The following CLYBL variants were observed in gnomAD, a reference collection of about 807,000 sequenced individuals.
CLYBL encodes citramalyl-CoA lyase, also known as citramalyl-CoA lyase, mitochondrial.
A neutral mutation model predicts 38.9 loss-of-function variants in CLYBL; 31 were observed. The ratio of observed to expected loss-of-function variants is 0.80; its 90% CI spans 0.60 to 1.08. The LOEUF (loss-of-function observed/expected upper bound fraction) is 1.08, where lower values mean the gene tolerates loss of function less well. Ranked by LOEUF, CLYBL falls within the 50% of genes least tolerant of loss-of-function variation. The pLI is 0.00. For missense variants in CLYBL, 434 were observed against 411.6 expected (o/e 1.05, Z -0.47); for synonymous variants, 171 against 158.6 (o/e 1.08, Z -0.59).
intron 7 of CLYBL, among the ~76,000 whole-genome samples, chr13:99,875,303 T>A (rs1469590522): frequency 6.6e-6 from 1 of 152,184 alleles, no homozygotes; most frequent in Non-Finnish European, 1.5e-5. Context: ...CATCTTCTGC[T>A]GGAATATAAA....
intron 6 of CLYBL, among the ~76,000 whole-genome samples, chr13:99,870,583 C>A (rs2051862831): frequency 6.6e-6 from 1 of 152,142 alleles, no homozygotes; most frequent in African/African-American, 2.4e-5. Flanking sequence ...TCAAAATAAT[C>A]CCTCTAATTT....
chr13:99,879,329 C>CG (rs1472274866), intron 7 of CLYBL, among the ~76,000 whole-genome samples: 2 of 152,130 alleles, frequency 1.3e-5, no homozygotes, highest in African/African-American at 4.8e-5. Flanking sequence ...ATTTTACATC[C>CG]ACTCAATTTC....
At chr13:99,629,317 T>G (rs1427471145) in intron 1 of CLYBL, among the ~76,000 whole-genome samples, 1 of 152,216 alleles carries the variant, frequency 6.6e-6, no homozygotes, top group African/African-American at 2.4e-5. Flanking sequence ...AAGAACCCAT[T>G]CTGTAGACAT....
intron 1 of CLYBL, among the ~76,000 whole-genome samples, chr13:99,681,176 A>C (rs2047729463): frequency 6.6e-6 from 1 of 152,206 alleles, no homozygotes. Context: ...CGGAAAAATA[A>C]ATGGAGATAA....
chr13:99,905,627 C>CA (rs71696951), intron 9 of CLYBL, among the ~76,000 whole-genome samples: 29 of 148,766 alleles, frequency 1.9e-4, no homozygotes, highest in Non-Finnish European at 3.7e-4. Flanking sequence ...GGTGTGAGAC[C>CA]AAAAAAAGAA....
rs71215536 is a variant in CLYBL, at chr13:99,633,534, CAA to C, written c.62+26793_62+26794del. Among the ~76,000 whole-genome samples, 1,088 of 121,660 alleles carry C rather than the reference CAA, an allele frequency of 8.9e-3. 22 individuals are homozygous for C. The East Asian group carries it at 0.092, about 10-fold the overall frequency. The allele number at this position is 121,660 out of a possible 152,430, so 79.8% of individuals were successfully genotyped here. A position where few individuals can be genotyped will look rare whatever the true frequency, so the allele number is the denominator to read the frequency against. On this transcript the variant is annotated intron_variant, in intron 1 of 8. Coordinates refer to ENST00000339105, the MANE Select transcript of CLYBL (RefSeq NM_206808.5). Reference sequence around the variant, plus strand: ...TGGGTGACAGTGCAGGACTCTGTCTCAAAAAAAAAAAAAAAAATAGCTATGAA... The same window carrying C: ...TGGGTGACAGTGCAGGACTCTGTCTCAAAAAAAAAAAAAAATAGCTATGAA...
chr13:99,607,379 A>G (rs2182037), intron 1 of CLYBL, among the ~76,000 whole-genome samples: 38,862 of 152,064 alleles, frequency 0.26, 6,187 homozygotes, highest in East Asian at 0.61. Flanking sequence ...GGACAGCTGG[A>G]GTCTCATATC....
chr13:99,706,682 C>G (rs918582091), intron 1 of CLYBL, among the ~76,000 whole-genome samples: 1 of 152,226 alleles, frequency 6.6e-6, no homozygotes. Context: ...ATGTCCCTAA[C>G]TTGATTACCT....
chr13:99,777,406 C>T (rs568189516), intron 2 of CLYBL, among the ~76,000 whole-genome samples: 3 of 152,128 alleles, frequency 2.0e-5, no homozygotes, highest in Admixed American at 6.5e-5. Flanking sequence ...AAACCCAAGT[C>T]AGTACCTCAT....
intron 2 of CLYBL, among the ~76,000 whole-genome samples, chr13:99,812,266 ATTG>A (rs1303672331): frequency 1.3e-5 from 2 of 152,200 alleles, no homozygotes; most frequent in Non-Finnish European, 2.9e-5. Context: ...GCACACTCCT[ATTG>A]TTATGGGTTT....
At chr13:99,685,519 G>T (rs1403989332) in intron 1 of CLYBL, among the ~76,000 whole-genome samples, 1 of 150,626 alleles carries the variant, frequency 6.6e-6, no homozygotes, top group Non-Finnish European at 1.5e-5. Context: ...CAATGATTTT[G>T]GGTTTCAGCA....
At chr13:99,626,463 C>T (rs1231593872) in intron 1 of CLYBL, among the ~76,000 whole-genome samples, 1 of 152,210 alleles carries the variant, frequency 6.6e-6, no homozygotes, top group Non-Finnish European at 1.5e-5. Flanking sequence ...TCAAGTTAGC[C>T]TTTCAGTCTG....
At chr13:99,812,196 AAAGTCCAAAAACTTCTT>A (rs2050355820) in intron 2 of CLYBL, among the ~76,000 whole-genome samples, 1 of 152,316 alleles carries the variant, frequency 6.6e-6, no homozygotes, top group African/African-American at 2.4e-5. Flanking sequence ...TAACCATTTT[AAAGTCCAAAAACTTCTT>A]AAGTCCAAAA....
intron 1 of CLYBL, among the ~76,000 whole-genome samples, chr13:99,703,100 A>G (rs182920137): frequency 8.5e-5 from 13 of 152,354 alleles, no homozygotes; most frequent in Admixed American, 7.8e-4. Context: ...AACCCAGACT[A>G]TTATGCAAAC....
intron 1 of CLYBL, among the ~76,000 whole-genome samples, chr13:99,675,693 A>C (rs2047634078): frequency 6.6e-6 from 1 of 152,270 alleles, no homozygotes; most frequent in South Asian, 2.1e-4. Flanking sequence ...AAGCTGTAGC[A>C]TGTGGCAGTA....
intron 2 of CLYBL, among the ~76,000 whole-genome samples, chr13:99,827,667 A>G (rs1184323248): frequency 6.6e-6 from 1 of 152,232 alleles, no homozygotes; most frequent in Admixed American, 6.5e-5. Context: ...ACACCAGGGC[A>G]GGGCAATCAA....
chr13:99,861,966 A>AG, intron 3 of CLYBL, among the ~76,000 whole-genome samples: 1 of 152,330 alleles, frequency 6.6e-6, no homozygotes, highest in South Asian at 2.1e-4. Context: ...TTATTCCTGC[A>AG]GGGTGGTGAC....
chr13:99,800,903 A>C (rs534696427), intron 2 of CLYBL, among the ~76,000 whole-genome samples: 106 of 133,366 alleles, frequency 7.9e-4, no homozygotes, highest in East Asian at 2.9e-3. Context: ...ACAAAAAAAA[A>C]AAACAAAAAA....
chr13:99,731,376 G>A (rs1002977926), intron 1 of CLYBL, among the ~76,000 whole-genome samples: 4 of 150,674 alleles, frequency 2.7e-5, no homozygotes, highest in Non-Finnish European at 5.9e-5. Flanking sequence ...GCTCATACCT[G>A]TAATCCCAGC....
Sources: gnomAD v4.1 joint callset for allele counts (sites outside exome capture counted in the v4.1 genomes callset) on GRCh38, gnomAD v4.1.1 for gene constraint, MANE v1.5 for transcripts, NCBI Gene and HGNC (gene_info 2026-07-23, HGNC 2026-07-21) for gene names.